KCNT2: variants seen among roughly 807,000 people sequenced by gnomAD.
The protein encoded by KCNT2 is potassium sodium-activated channel subfamily T member 2, also known as potassium channel subfamily T member 2.
In KCNT2, 67 loss-of-function variants were observed where a neutral mutation model predicts 153.8. That is an observed-to-expected ratio of 0.44 (90% CI 0.36 to 0.53). KCNT2 has a LOEUF of 0.53. Among genes scored for constraint, KCNT2 ranks in the 20% least tolerant of loss-of-function variants. The pLI, the probability that KCNT2 is intolerant of heterozygous loss-of-function variation, is 0.00. For synonymous variants in KCNT2, 500 were observed against 458.8 expected (o/e 1.09, Z -1.15); for missense variants, 975 against 1,354.8 (o/e 0.72, Z 4.40).
At chr1:196,265,327 C>T (rs917293382) in intron 25 of KCNT2, among the ~76,000 whole-genome samples, 1 of 152,160 alleles carries the variant, frequency 6.6e-6, no homozygotes, top group Non-Finnish European at 1.5e-5. Flanking sequence ...CAAATTTATG[C>T]TGCATTTGCT....
At chr1:196,341,026 A>T (rs1665571943) in intron 15 of KCNT2, among the ~76,000 whole-genome samples, 1 of 151,812 alleles carries the variant, frequency 6.6e-6, no homozygotes, top group Non-Finnish European at 1.5e-5. Context: ...TTTTAGAAAA[A>T]ATATATATAT....
At chr1:196,302,963 C>A (rs1363819852) in intron 22 of KCNT2, among the ~76,000 whole-genome samples, 1 of 151,128 alleles carries the variant, frequency 6.6e-6, no homozygotes, top group African/African-American at 2.4e-5. Context: ...TATTGAGTTT[C>A]TTTTTTCTTC....
rs1371386471 is a variant in KCNT2, at chr1:196,385,137, G to A, written c.1295-11889C>T. ...GAGCCAAATGTTTTGTCTTGTTGGA[G>A]TCCTTACCTACTCTGAATTGTCCTT... is the stretch of plus-strand genomic sequence containing the variant. On this transcript the variant is annotated intron_variant, in intron 13 of 27. Transcript: ENST00000294725. 5.3e-5 allele frequency among the ~76,000 whole-genome samples: 8 copies of A among 152,112 alleles called. No individual in the cohort carries two copies. The East Asian group carries it at 1.5e-3, about 29-fold the overall frequency.
At chr1:196,282,977 T>C (rs888365066) in intron 23 of KCNT2, among the ~76,000 whole-genome samples, 2 of 152,166 alleles carry the variant, frequency 1.3e-5, no homozygotes, top group African/African-American at 4.8e-5. Flanking sequence ...CCCAAGTAGC[T>C]GAGATGACAG....
chr1:196,603,842 G>A (rs1234208387), intron 1 of KCNT2, among the ~76,000 whole-genome samples: 1 of 152,222 alleles, frequency 6.6e-6, no homozygotes, highest in African/African-American at 2.4e-5. Flanking sequence ...AGTGTGTTGT[G>A]TTCCAAAGTT....
intron 22 of KCNT2, among the ~76,000 whole-genome samples, chr1:196,288,148 TA>T (rs889049591): frequency 1.3e-5 from 2 of 151,194 alleles, no homozygotes; most frequent in East Asian, 1.9e-4. Flanking sequence ...AAATAAAAAA[TA>T]AAAAAATAAA....
chr1:196,597,392 G>A (rs1312459871), intron 1 of KCNT2, among the ~76,000 whole-genome samples: 2 of 149,792 alleles, frequency 1.3e-5, no homozygotes, highest in African/African-American at 4.9e-5. Flanking sequence ...TTTCCTATGG[G>A]ATATACCTGA....
chr1:196,604,286 C>T (rs1286147044), intron 1 of KCNT2, among the ~76,000 whole-genome samples: 3 of 152,022 alleles, frequency 2.0e-5, no homozygotes, highest in African/African-American at 4.8e-5. Flanking sequence ...TATCTGTGAC[C>T]CCCTCCAGAC....
At chr1:196,455,494 C>T (rs1316726267) in intron 8 of KCNT2, among the ~76,000 whole-genome samples, 1 of 151,954 alleles carries the variant, frequency 6.6e-6, no homozygotes, top group Non-Finnish European at 1.5e-5. Flanking sequence ...TCTAGACTCA[C>T]ATCTTTCCTC....
At chr1:196,332,711 T>A (rs1664581333) in intron 17 of KCNT2, among the ~76,000 whole-genome samples, 1 of 152,046 alleles carries the variant, frequency 6.6e-6, no homozygotes, top group Non-Finnish European at 1.5e-5. Context: ...TTTTCTCCAT[T>A]ATCTCAATTA....
chr1:196,608,378 G>A lies in KCNT2; in HGVS notation c.-69C>T. The A allele has an allele frequency of 7.9e-7, 1 of 1,266,884 alleles. No individual in the cohort carries two copies. Among genetic ancestry groups the A allele is most frequent in the Non-Finnish European group, 1.2e-6 (1 of 866,464 alleles). 78.5% of individuals were successfully genotyped at this position (1,266,884 alleles called of 1,614,324 possible). A position where few individuals can be genotyped will look rare whatever the true frequency, so the allele number is the denominator to read the frequency against. On this transcript the variant is annotated 5_prime_UTR_variant, in exon 1 of 28. Coordinates refer to ENST00000294725, the MANE Select transcript of KCNT2 (RefSeq NM_198503.5). ...AGGAGGGAGAAAGAAAGAAAATATTGCGGAGTACAGGGAGAGGACTAACAA... is the reference window on the plus strand; with the variant it reads ...AGGAGGGAGAAAGAAAGAAAATATTACGGAGTACAGGGAGAGGACTAACAA...
chr1:196,530,381 C>T (rs567912841), intron 1 of KCNT2, among the ~76,000 whole-genome samples: 1 of 151,622 alleles, frequency 6.6e-6, no homozygotes. Flanking sequence ...ACTAACTGTT[C>T]AGTAAAAGAC....
At chr1:196,284,104 A>G (rs1659394135) in intron 23 of KCNT2, among the ~76,000 whole-genome samples, 1 of 148,502 alleles carries the variant, frequency 6.7e-6, no homozygotes, top group African/African-American at 2.5e-5. Context: ...AATGGTGCAC[A>G]CCTGTAATCT....
At position 196,430,901 on chromosome 1, in the gene KCNT2, G is replaced by GCAAAC. The variant is rs1674094705; in HGVS notation, c.639-1145_639-1144insGTTTG. On this transcript the variant is annotated intron_variant, in intron 8 of 27. Transcript: ENST00000294725. ...AGTGTATAATTGCTATGGTTTGAAT[G>GCAAAC]CTTGTGTCCCCTCCAAAATTCATGT... Among the ~76,000 whole-genome samples, 3 of 152,230 alleles carry GCAAAC rather than the reference G, an allele frequency of 2.0e-5. No homozygotes were observed. In the South Asian group the frequency reaches 6.2e-4, roughly 32 times the overall value.
At chr1:196,406,877 C>G (rs1671875259) in intron 12 of KCNT2, among the ~76,000 whole-genome samples, 1 of 151,392 alleles carries the variant, frequency 6.6e-6, no homozygotes, top group Admixed American at 6.6e-5. Context: ...ACCTGCTTGC[C>G]TGTCGGAATC....
chr1:196,518,478 T>TAAAAAAAAAAA (rs35962682), intron 1 of KCNT2, among the ~76,000 whole-genome samples: 3 of 126,360 alleles, frequency 2.4e-5, no homozygotes, highest in African/African-American at 5.7e-5. Context: ...AAGCTGGATT[T>TAAAAAAAAAAA]AAAAAAAAAA....
intron 21 of KCNT2, among the ~76,000 whole-genome samples, chr1:196,306,660 T>C (rs1173320492): frequency 1.2e-4 from 18 of 152,076 alleles, no homozygotes; most frequent in Admixed American, 1.3e-4. Flanking sequence ...TGTGTTTACA[T>C]TGGGCTTTAG....
intron 1 of KCNT2, among the ~76,000 whole-genome samples, chr1:196,546,280 G>A (rs1657083299): frequency 6.6e-6 from 1 of 152,010 alleles, no homozygotes; most frequent in Non-Finnish European, 1.5e-5. Flanking sequence ...CAATTTTAAA[G>A]AAGCCAAATG....
At chr1:196,597,981 T>C (rs1028686381) in intron 1 of KCNT2, among the ~76,000 whole-genome samples, 1 of 152,134 alleles carries the variant, frequency 6.6e-6, no homozygotes, top group Non-Finnish European at 1.5e-5. Flanking sequence ...AATTTCACTC[T>C]AGTACAAATA....
Sources: allele counts gnomAD v4.1 joint callset (sites outside exome capture counted in the v4.1 genomes callset), GRCh38; gene constraint gnomAD v4.1.1; transcripts MANE v1.5; gene names NCBI Gene and HGNC (gene_info 2026-07-23, HGNC 2026-07-21).